CALN1: variants seen among roughly 807,000 people sequenced by gnomAD.
The protein encoded by CALN1 is calneuron 1, also known as calcium-binding protein 8.
CALN1 carries 17 observed loss-of-function variants against 30.6 expected under a neutral mutation model. The observed-to-expected ratio is 0.56, with a 90% CI of 0.38 to 0.83. The LOEUF (loss-of-function observed/expected upper bound fraction) is 0.83. Ranked by LOEUF, CALN1 falls within the 40% of genes least tolerant of loss-of-function variation. The pLI, the probability that CALN1 is intolerant of heterozygous loss-of-function variation, is 0.00. For missense variants in CALN1, 291 were observed against 354.9 expected (o/e 0.82, Z 1.45); for synonymous variants, 156 against 131.4 (o/e 1.19, Z -1.28).
intron 2 of CALN1, among the ~76,000 whole-genome samples, chr7:72,333,547 C>G (rs1170654929): frequency 6.6e-6 from 1 of 152,152 alleles, no homozygotes; most frequent in African/African-American, 2.4e-5. Flanking sequence ...AGAACTCACA[C>G]TGTTTTAACG....
chr7:72,153,797 C>T (rs1179481410), intron 3 of CALN1, among the ~76,000 whole-genome samples: 1 of 152,212 alleles, frequency 6.6e-6, no homozygotes, highest in African/African-American at 2.4e-5. Flanking sequence ...TGGGTAGTTT[C>T]TGCCACTGGG....
chr7:72,203,206 G>A (rs1199755657), intron 3 of CALN1, among the ~76,000 whole-genome samples: 1 of 152,000 alleles, frequency 6.6e-6, no homozygotes, highest in Non-Finnish European at 1.5e-5. Context: ...GCAAGGGGAG[G>A]GAGAGCATTA....
Position 71,978,262 on chromosome 7 carries a change from C to CTTTTTTTTTTTTTT in CALN1, c.501+45381_501+45394dup, listed in dbSNP as rs1010635078. 4.5e-4 allele frequency among the ~76,000 whole-genome samples: 33 copies of CTTTTTTTTTTTTTT among 72,938 alleles called. 2 individuals are homozygous for CTTTTTTTTTTTTTT. The highest frequency in any genetic ancestry group is 1.6e-3 in the African/African-American group (28 of 17,640). The allele number at this position is 72,938 out of a possible 152,430, so 47.9% of individuals were successfully genotyped here. ...AAAAACTCAGGGACTCTAGAGAATT[C>CTTTTTTTTTTTTTT]TTTTTTTTTTTTTTTTTTTTTTTTT... On this transcript the variant is annotated intron_variant, in intron 5 of 6. Coordinates refer to ENST00000395275, the MANE Select transcript of CALN1 (RefSeq NM_031468.4).
chr7:71,971,949 A>AAAAAAAAAG, intron 5 of CALN1, among the ~76,000 whole-genome samples: 1 of 81,036 alleles, frequency 1.2e-5, no homozygotes. Context: ...AAAAAAAAAA[A>AAAAAAAAAG]AAAAAAAGAA....
intron 3 of CALN1, among the ~76,000 whole-genome samples, chr7:72,261,868 C>T (rs1238963542): frequency 6.6e-6 from 1 of 152,132 alleles, no homozygotes; most frequent in Non-Finnish European, 1.5e-5. Flanking sequence ...ACAAAAATGG[C>T]CTTGAATGTT....
At chr7:72,140,227 CACA>C (rs1024742491) in intron 3 of CALN1, among the ~76,000 whole-genome samples, 11 of 150,890 alleles carry the variant, frequency 7.3e-5, no homozygotes, top group Non-Finnish European at 8.8e-5. Flanking sequence ...GTCATGATTG[CACA>C]ACTTCACTCC....
At chr7:72,025,296 G>A (rs1441247534) in intron 4 of CALN1, among the ~76,000 whole-genome samples, 2 of 151,958 alleles carry the variant, frequency 1.3e-5, no homozygotes, top group African/African-American at 4.8e-5. Context: ...GGCAATAAGA[G>A]CAAGACTCCA....
chr7:72,397,750 A>ACACACACACACACC (rs1491117589), intron 2 of CALN1, among the ~76,000 whole-genome samples: 7 of 144,200 alleles, frequency 4.9e-5, no homozygotes, highest in Non-Finnish European at 9.2e-5. Flanking sequence ...ACACACACAC[A>ACACACACACACACC]CCTTGCTCCA....
chr7:72,202,434 A>G (rs1791506297), intron 3 of CALN1, among the ~76,000 whole-genome samples: 1 of 152,238 alleles, frequency 6.6e-6, no homozygotes, highest in South Asian at 2.1e-4. Context: ...CTTTAGAAAA[A>G]TCATGTTCTA....
chr7:72,451,510 C>A (rs182100879), upstream of CALN1, among the ~76,000 whole-genome samples: 1 of 151,988 alleles, frequency 6.6e-6, no homozygotes, highest in African/African-American at 2.4e-5. Flanking sequence ...TCCTGGGGCC[C>A]CTAGGGTCCT....
intron 5 of CALN1, among the ~76,000 whole-genome samples, chr7:71,837,231 C>CAA (rs1488967715): frequency 2.9e-4 from 2 of 6,986 alleles, no homozygotes; most frequent in East Asian, 0.01. Context: ...AACTCCATCT[C>CAA]AAAAAAAAAG....
At chr7:72,358,730 C>A (rs545669799) in intron 2 of CALN1, among the ~76,000 whole-genome samples, 1 of 152,160 alleles carries the variant, frequency 6.6e-6, no homozygotes, top group East Asian at 1.9e-4. Flanking sequence ...GCAAGCAGAT[C>A]ACGAGGTTAG....
At chr7:71,917,782 T>C (rs926682505) in intron 5 of CALN1, among the ~76,000 whole-genome samples, 2 of 152,170 alleles carry the variant, frequency 1.3e-5, no homozygotes, top group Non-Finnish European at 2.9e-5. Flanking sequence ...GTGGGGATTA[T>C]TAAAATTCAA....
At chr7:72,504,165 A>G in the CALN1 span, among the ~76,000 whole-genome samples, 1 of 152,196 alleles carries the variant, frequency 6.6e-6, no homozygotes, top group South Asian at 2.1e-4. Flanking sequence ...CATAAAGGTT[A>G]AGATGACAAA....
At chr7:72,193,350 G>C (rs996087882) in intron 3 of CALN1, among the ~76,000 whole-genome samples, 6 of 152,158 alleles carry the variant, frequency 3.9e-5, no homozygotes, top group Non-Finnish European at 7.3e-5. Flanking sequence ...GGGCAACAGA[G>C]AAGGGTAGAA....
chr7:72,208,902 C>G (rs1489859204), intron 3 of CALN1, among the ~76,000 whole-genome samples: 3 of 152,104 alleles, frequency 2.0e-5, no homozygotes, highest in African/African-American at 7.2e-5. Context: ...CATCACACAT[C>G]ACCATTTCCA....
the CALN1 span, among the ~76,000 whole-genome samples, chr7:72,496,631 G>A: frequency 1.3e-5 from 2 of 152,202 alleles, no homozygotes; most frequent in African/African-American, 4.8e-5. Context: ...GCTCACGCCT[G>A]TAATCCCAGC....
intron 5 of CALN1, among the ~76,000 whole-genome samples, chr7:71,967,337 T>C (rs1455598493): frequency 1.3e-5 from 2 of 151,650 alleles, no homozygotes; most frequent in African/African-American, 4.8e-5. Flanking sequence ...CAAATACCTG[T>C]TAAAGAAACC....
the CALN1 span, among the ~76,000 whole-genome samples, chr7:72,473,785 T>A: frequency 1.3e-5 from 2 of 151,812 alleles, no homozygotes; most frequent in Non-Finnish European, 2.9e-5. Context: ...ATACAAAAAA[T>A]TAGCCAGGCA....
Sources: allele counts gnomAD v4.1 joint callset (sites outside exome capture counted in the v4.1 genomes callset), GRCh38; gene constraint gnomAD v4.1.1; transcripts MANE v1.5; gene names NCBI Gene and HGNC (gene_info 2026-07-23, HGNC 2026-07-21).